Variants in CEP85L observed in about 807,000 individuals in gnomAD.
CEP85L encodes the protein centrosomal protein of 85 kDa-like.
Under a neutral mutation model 100.3 loss-of-function variants are expected in CEP85L, and 60 were observed. The ratio of observed to expected loss-of-function variants is 0.60; its 90% CI spans 0.49 to 0.74. The LOEUF (loss-of-function observed/expected upper bound fraction) is 0.74, where lower values mean the gene tolerates loss of function less well. Among genes scored for constraint, CEP85L ranks in the 30% least tolerant of loss-of-function variants. The probability of loss-of-function intolerance (pLI) is 0.00; values close to 1 mark genes in which losing one functional copy is unlikely to be tolerated. For synonymous variants in CEP85L, 319 were observed against 322.7 expected (o/e 0.99, Z 0.12); for missense variants, 973 against 936.2 (o/e 1.04, Z -0.51).
At chr6:118,596,586 G>T (rs1325459546) in intron 2 of CEP85L, among the ~76,000 whole-genome samples, 3 of 151,938 alleles carry the variant, frequency 2.0e-5, no homozygotes, top group Admixed American at 2.0e-4. Flanking sequence ...CACATAGCAG[G>T]CTTTCCTTCT....
At chr6:118,470,220 T>G (rs1361012395) in intron 11 of CEP85L, among the ~76,000 whole-genome samples, 1 of 152,106 alleles carries the variant, frequency 6.6e-6, no homozygotes, top group Admixed American at 6.5e-5. Flanking sequence ...TAACTTTAAT[T>G]AGCTTTCCAA....
intron 3 of CEP85L, among the ~76,000 whole-genome samples, chr6:118,527,168 C>CTAATTTTGTATTTTTAG (rs1250153162): frequency 5.3e-5 from 8 of 152,018 alleles, no homozygotes; most frequent in African/African-American, 1.9e-4. Context: ...CCATGCCCAG[C>CTAATTTTGTATTTTTAG]TAATTTTGTA....
chr6:118,491,175 T>C (rs953870541), intron 6 of CEP85L, among the ~76,000 whole-genome samples: 2 of 146,620 alleles, frequency 1.4e-5, no homozygotes, highest in African/African-American at 5.1e-5. Flanking sequence ...ATCATTCCCT[T>C]CTATTTCATA....
rs2356497 is a variant in CEP85L, at chr6:118,555,376, C to A, written c.1020+10153G>T. Among the ~76,000 whole-genome samples, 4 of 146,898 alleles carry A rather than the reference C, an allele frequency of 2.7e-5. No individual in the cohort carries two copies. The South Asian group carries it at 8.6e-4, about 31-fold the overall frequency. On this transcript the variant is annotated intron_variant, in intron 3 of 12. Coordinates refer to ENST00000368491, the MANE Select transcript of CEP85L (RefSeq NM_001042475.3). The stretch of plus-strand genomic sequence containing the variant: ...CCGGGAGGTGGAGCTTGCAGTGAGC[C>A]GAGATCGTGCCACTGCACTCCAGCC...
At chr6:118,654,697 G>A (rs541268191), upstream of CEP85L, among the ~76,000 whole-genome samples, 139 of 152,290 alleles carry the variant, frequency 9.1e-4, no homozygotes, top group African/African-American at 3.3e-3. Context: ...ATTCAAATAG[G>A]TGAATGGAAA....
rs139377940 is a variant in CEP85L at position 118,608,155 on chromosome 6, T to A, written c.232+24298A>T. Among the ~76,000 whole-genome samples, 63 of 152,348 alleles carry A rather than the reference T, an allele frequency of 4.1e-4. 1 individual carries two copies. The East Asian group carries it at 0.011, about 26-fold the overall frequency. On this transcript the variant is annotated intron_variant, in intron 2 of 12. Coordinates refer to ENST00000368491, the MANE Select transcript of CEP85L (RefSeq NM_001042475.3). ...ATGTGTCTTTTTTATTTTGCATCTT[T>A]TGTCAATGTTCAATTTCTTTAAATT... is the stretch of plus-strand genomic sequence containing the variant.
intron 3 of CEP85L, among the ~76,000 whole-genome samples, chr6:118,552,289 C>G (rs1243757303): frequency 6.6e-6 from 1 of 151,808 alleles, no homozygotes; most frequent in Non-Finnish European, 1.5e-5. Context: ...GGAATACCAC[C>G]AAAAATACTG....
upstream of CEP85L, chr6:118,651,678 CCGCGCGG>C: frequency 1.0e-6 from 1 of 980,794 alleles, no homozygotes; most frequent in Non-Finnish European, 1.2e-6. Context: ...GTGCGCGGCG[CCGCGCGG>C]GGCGGGGACT....
intron 6 of CEP85L, 104 bp from the exon 7 acceptor site, chr6:118,483,962 A>C (rs1036203624): frequency 9.7e-7 from 1 of 1,026,856 alleles, no homozygotes. Flanking sequence ...CAACAGTTTC[A>C]GGTTATAGCG....
upstream of CEP85L, chr6:118,656,892 G>T (rs61380216): frequency 0.14 from 21,635 of 152,140 alleles, 2,330 homozygotes; most frequent in African/African-American, 0.3. Context: ...GAGATACTTG[G>T]GCCTGGCCAT....
Position 118,560,087 on chromosome 6 carries a change from T to A in CEP85L, c.1020+5442A>T, listed in dbSNP as rs528466147. On this transcript the variant is annotated intron_variant, in intron 3 of 12. Coordinates refer to ENST00000368491, the MANE Select transcript of CEP85L (RefSeq NM_001042475.3). ...AAAATATATTATCTCAAGTATTTTT[T>A]AAAAATATATGAATTCTCTCTCCAA... The A allele has an allele frequency of 1.3e-4, 22 of 167,158 alleles. No individual in the cohort carries two copies. The highest frequency in any genetic ancestry group is 4.1e-4 in the South Asian group (2 of 4,824). 10.4% of individuals were successfully genotyped at this position (167,158 alleles called of 1,614,324 possible). A position where few individuals can be genotyped will look rare whatever the true frequency, so the allele number is the denominator to read the frequency against.
intron 1 of CEP85L, among the ~76,000 whole-genome samples, chr6:118,701,789 A>G (rs1777414618): frequency 6.6e-6 from 1 of 151,674 alleles, no homozygotes; most frequent in African/African-American, 2.4e-5. Flanking sequence ...TGGAAAAAAA[A>G]CAAAGAAGAT....
chr6:118,632,054 A>T (rs2115320612), intron 2 of CEP85L, among the ~76,000 whole-genome samples: 1 of 152,256 alleles, frequency 6.6e-6, no homozygotes, highest in Admixed American at 6.5e-5. Context: ...CAGTGGCACG[A>T]TCTCAGCTCA....
At chr6:118,675,468 T>A (rs1057429019) in intron 1 of CEP85L, among the ~76,000 whole-genome samples, 6 of 152,168 alleles carry the variant, frequency 3.9e-5, no homozygotes, top group African/African-American at 1.4e-4. Flanking sequence ...ACCGCTAGAC[T>A]GTGCACTTTA....
At chr6:118,651,714 GGGGGGCGGGTGAGCTACCCCGACC>G (rs1775580217), upstream of CEP85L, 1 of 829,870 alleles carries the variant, frequency 1.2e-6, no homozygotes, top group African/African-American at 1.9e-5. Context: ...CGGGGACTGC[GGGGGGCGGGTGAGCTACCCCGACC>G]CCGCTTCGCC....
intron 3 of CEP85L, among the ~76,000 whole-genome samples, chr6:118,549,880 T>C (rs1778438777): frequency 6.6e-6 from 1 of 151,906 alleles, no homozygotes; most frequent in African/African-American, 2.4e-5. Flanking sequence ...CTTAGCTCAC[T>C]AGTATGTCTC....
At chr6:118,671,783 C>G (rs1278287997) in intron 1 of CEP85L, among the ~76,000 whole-genome samples, 1 of 152,006 alleles carries the variant, frequency 6.6e-6, no homozygotes, top group Admixed American at 6.6e-5. Context: ...ACTAAAAATA[C>G]AAAAATCAGT....
chr6:118,632,434 A>T lies in CEP85L; in HGVS notation c.232+19T>A, dbSNP rs1214880812. ...ACTCTTCAAAGATTCATATATAAAC[A>T]ATAAGAATTTTAGCTCACCTTCCAC... On this transcript the variant is annotated intron_variant, in intron 2 of 12. Transcript: ENST00000368491. 2 of 1,571,624 alleles carry T rather than the reference A, an allele frequency of 1.3e-6. No individual in the cohort carries two copies. Among genetic ancestry groups the T allele is most frequent in the South Asian group, 1.2e-5 (1 of 83,014 alleles).
At chr6:118,483,669 C>A in intron 7 of CEP85L, 37 bp downstream of exon 7, 1 of 1,574,896 alleles carries the variant, frequency 6.3e-7, no homozygotes, top group Non-Finnish European at 8.6e-7. Context: ...AACATGTTTT[C>A]ATGTCATTTA....
Sources: allele counts gnomAD v4.1 joint callset (sites outside exome capture counted in the v4.1 genomes callset), GRCh38; gene constraint gnomAD v4.1.1; transcripts MANE v1.5; gene names NCBI Gene and HGNC (gene_info 2026-07-23, HGNC 2026-07-21).